Variants in COMMD10 observed in about 807,000 individuals in gnomAD.
COMMD10 encodes COMM domain-containing protein 10.
In COMMD10, 33 loss-of-function variants were observed where a neutral mutation model predicts 28.9. The observed-to-expected ratio is 1.14, with a 90% CI of 0.87 to 1.53. The LOEUF is 1.53. Ranked by LOEUF, COMMD10 falls within the 40% of genes most tolerant of loss-of-function variation. The pLI is 0.00. For missense variants in COMMD10, 310 were observed against 233.4 expected, an observed-to-expected ratio of 1.33 and a Z score of -2.14; for synonymous variants, 110 against 81.7, an observed-to-expected ratio of 1.35 and a Z score of -1.87.
chr5:116,092,953 CTA>C (rs1441378807), intron 4 of COMMD10, among the ~76,000 whole-genome samples: 3 of 152,164 alleles, frequency 2.0e-5, no homozygotes, highest in African/African-American at 7.2e-5. Context: ...TGACTGGAAA[CTA>C]TCGCTCGCTG....
chr5:116,180,745 CTT>C (rs1460921001), intron 5 of COMMD10, among the ~76,000 whole-genome samples: 1 of 151,834 alleles, frequency 6.6e-6, no homozygotes, highest in African/African-American at 2.4e-5. Context: ...ATTTTTTTGA[CTT>C]GGGATCATTT....
chr5:116,098,728 T>A (rs546186153), intron 4 of COMMD10, among the ~76,000 whole-genome samples: 1 of 152,198 alleles, frequency 6.6e-6, no homozygotes, highest in Non-Finnish European at 1.5e-5. Flanking sequence ...ACTGTGATTC[T>A]GAATTCAAAG....
At chr5:116,272,539 T>G (rs901995322) in intron 5 of COMMD10, among the ~76,000 whole-genome samples, 1 of 151,814 alleles carries the variant, frequency 6.6e-6, no homozygotes, top group Non-Finnish European at 1.5e-5. Flanking sequence ...CCCAGAACAC[T>G]GTTGCCATAG....
intron 5 of COMMD10, among the ~76,000 whole-genome samples, chr5:116,184,602 C>T (rs1748079655): frequency 6.6e-6 from 1 of 152,056 alleles, no homozygotes; most frequent in Non-Finnish European, 1.5e-5. Context: ...CCTAAAAAAG[C>T]AGCGTCAACT....
At chr5:116,219,152 CT>C (rs1314135665) in intron 5 of COMMD10, among the ~76,000 whole-genome samples, 2 of 152,132 alleles carry the variant, frequency 1.3e-5, no homozygotes, top group African/African-American at 4.8e-5. Context: ...TGATCTTGGA[CT>C]TTCAGCTTCC....
At chr5:116,272,444 A>G (rs1473366336) in intron 5 of COMMD10, among the ~76,000 whole-genome samples, 3 of 151,826 alleles carry the variant, frequency 2.0e-5, no homozygotes, top group East Asian at 1.9e-4. Flanking sequence ...AGTTTTGGCT[A>G]ATGCTCTCAA....
At chr5:116,258,120 A>G (rs776772404) in intron 5 of COMMD10, among the ~76,000 whole-genome samples, 1 of 151,830 alleles carries the variant, frequency 6.6e-6, no homozygotes, top group Non-Finnish European at 1.5e-5. Flanking sequence ...TTAAAGGCAT[A>G]TAAATTGGAT....
At chr5:116,268,090 T>C (rs1397947444) in intron 5 of COMMD10, among the ~76,000 whole-genome samples, 1 of 151,742 alleles carries the variant, frequency 6.6e-6, no homozygotes, top group African/African-American at 2.4e-5. Flanking sequence ...AAAGCCAAAA[T>C]TGACAAATGG....
At chr5:116,172,811 T>G (rs999367419) in intron 5 of COMMD10, among the ~76,000 whole-genome samples, 3 of 152,164 alleles carry the variant, frequency 2.0e-5, no homozygotes, top group African/African-American at 7.2e-5. Context: ...TAGTAAGATT[T>G]TGGAGCTTGA....
chr5:116,124,033 G>T (rs976956290), intron 4 of COMMD10, among the ~76,000 whole-genome samples: 2 of 151,856 alleles, frequency 1.3e-5, no homozygotes, highest in East Asian at 3.9e-4. Context: ...TGGATTCATT[G>T]ATGTTTTGAA....
intron 4 of COMMD10, among the ~76,000 whole-genome samples, chr5:116,100,491 G>A (rs575781112): frequency 1.4e-4 from 21 of 147,494 alleles, no homozygotes; most frequent in Non-Finnish European, 3.0e-4. Flanking sequence ...TAATTTTTGT[G>A]CATGGTATAA....
chr5:116,159,769 G>C (rs976889032), intron 5 of COMMD10, among the ~76,000 whole-genome samples: 2 of 152,232 alleles, frequency 1.3e-5, no homozygotes, highest in Non-Finnish European at 2.9e-5. Context: ...CTTTGAATTA[G>C]GCCTTAAAAA....
At chr5:116,090,380 G>A (rs1479072498) in intron 2 of COMMD10, among the ~76,000 whole-genome samples, 2 of 152,274 alleles carry the variant, frequency 1.3e-5, no homozygotes, top group African/African-American at 4.8e-5. Flanking sequence ...GCGTGCCAGC[G>A]GTTTGCATTG....
chr5:116,240,589 C>T (rs773414342), intron 5 of COMMD10, among the ~76,000 whole-genome samples: 23 of 152,086 alleles, frequency 1.5e-4, no homozygotes, highest in Non-Finnish European at 3.1e-4. Flanking sequence ...AGCCATGTTG[C>T]ATGAGAACTT....
chr5:116,152,735 A>G (rs1752574562), intron 5 of COMMD10, among the ~76,000 whole-genome samples: 1 of 152,056 alleles, frequency 6.6e-6, no homozygotes, highest in Non-Finnish European at 1.5e-5. Context: ...GGGATGGTCC[A>G]ATTTTCATCC....
At chr5:116,138,060 A>G (rs1271648853) in intron 5 of COMMD10, among the ~76,000 whole-genome samples, 2 of 151,922 alleles carry the variant, frequency 1.3e-5, no homozygotes, top group East Asian at 1.9e-4. Flanking sequence ...TAATTTGTGA[A>G]GTCAGTAGTT....
intron 4 of COMMD10, among the ~76,000 whole-genome samples, chr5:116,102,276 C>T (rs1300434875): frequency 6.6e-6 from 1 of 152,132 alleles, no homozygotes; most frequent in Non-Finnish European, 1.5e-5. Flanking sequence ...CTGCTTTTGG[C>T]AATGCAGTTT....
intron 4 of COMMD10, among the ~76,000 whole-genome samples, chr5:116,110,313 G>T (rs545557693): frequency 1.3e-3 from 198 of 152,240 alleles, no homozygotes; most frequent in Non-Finnish European, 2.0e-3. Context: ...GTTCATCAGG[G>T]TATTGGTCTT....
chr5:116,114,247 T>C (rs369563001), intron 4 of COMMD10, among the ~76,000 whole-genome samples: 3 of 151,928 alleles, frequency 2.0e-5, no homozygotes, highest in Non-Finnish European at 4.4e-5. Context: ...AGGCTGATTA[T>C]TGGGGGCTCT....
Sources: gnomAD v4.1 joint callset for allele counts (sites outside exome capture counted in the v4.1 genomes callset) on GRCh38, gnomAD v4.1.1 for gene constraint, MANE v1.5 for transcripts, NCBI Gene and HGNC (gene_info 2026-07-23, HGNC 2026-07-21) for gene names.